The following NLN variants were observed in gnomAD, a reference collection of about 807,000 sequenced individuals.
The protein encoded by NLN is neurolysin, mitochondrial.
A neutral mutation model predicts 79.9 loss-of-function variants in NLN; 64 were observed. That is an observed-to-expected ratio of 0.80 (90% confidence interval 0.65 to 0.99). The LOEUF (loss-of-function observed/expected upper bound fraction) is 0.99. Ranked by LOEUF, NLN falls within the 50% of genes least tolerant of loss-of-function variation. The pLI, the probability that NLN is intolerant of heterozygous loss-of-function variation, is 0.00. For synonymous variants in NLN, 267 were observed against 296.6 expected, an observed-to-expected ratio of 0.90 and a Z score of 1.02; for missense variants, 835 against 858.7, an observed-to-expected ratio of 0.97 and a Z score of 0.34.
chr5:65,785,848 A>C lies in NLN; in HGVS notation c.896A>C (p.His299Pro). The change falls in exon 7 of 13, where the codon CAT becomes CCT. Residue 299 changes from histidine to proline, a missense_variant. His to Pro is a moderately conservative substitution (Grantham distance 77). Coordinates refer to ENST00000380985, the MANE Select transcript of NLN (RefSeq NM_020726.5). ...GCCAAACTACTCGGTTATAGCACAC[A>C]TGCTGACTTCGTCCTTGAAATGAAC... ...KVAKLLGYSTHADFVLEMNTA... is the reference protein window; with the variant it reads ...KVAKLLGYSTPADFVLEMNTA... The C allele has an allele frequency of 6.2e-7, 1 of 1,613,954 alleles. No homozygotes were observed. Among genetic ancestry groups the C allele is most frequent in the Admixed American group, 1.7e-5 (1 of 59,996 alleles).
intron 3 of NLN, 80 bp downstream of exon 3, chr5:65,763,188 TG>T: frequency 8.2e-7 from 1 of 1,216,156 alleles, no homozygotes; most frequent in Non-Finnish European, 1.2e-6. Flanking sequence ...TAAAACATAC[TG>T]ACTGGATTTT....
rs1760835936 is a variant in NLN at position 65,823,051 on chromosome 5, A to G, written c.*136A>G. ...GACATCCTTTTGTTTTCTAATTTTA[A>G]AAATTATAAAGATGTAAATGGAATT... On this transcript the variant is annotated 3_prime_UTR_variant, in exon 13 of 13. Transcript: ENST00000380985. 1.6e-6 allele frequency: 1 copy of G among 634,112 alleles called. No individual in the cohort carries two copies. Among genetic ancestry groups the G allele is most frequent in the African/African-American group, 1.9e-5 (1 of 53,906 alleles). The allele number at this position is 634,112 out of a possible 1,614,324, so 39.3% of individuals were successfully genotyped here. A position where few individuals can be genotyped will look rare whatever the true frequency, so the allele number is the denominator to read the frequency against.
chr5:65,810,857 A>C (rs1397787534), intron 11 of NLN, among the ~76,000 whole-genome samples: 1 of 152,106 alleles, frequency 6.6e-6, no homozygotes, highest in Non-Finnish European at 1.5e-5. Context: ...GTATACCTAC[A>C]GTCCTAGCTA....
intron 1 of NLN, among the ~76,000 whole-genome samples, chr5:65,753,201 A>G (rs1202371006): frequency 6.6e-6 from 1 of 152,236 alleles, no homozygotes; most frequent in African/African-American, 2.4e-5. Flanking sequence ...TCCTATAAAG[A>G]TGTGCAATTA....
intron 11 of NLN, among the ~76,000 whole-genome samples, chr5:65,810,932 T>C (rs1435397006): frequency 6.6e-6 from 1 of 152,066 alleles, no homozygotes; most frequent in African/African-American, 2.4e-5. Flanking sequence ...CGAGCCATGA[T>C]TGCACCACTG....
intron 1 of NLN, among the ~76,000 whole-genome samples, chr5:65,731,260 C>T (rs900740070): frequency 7.2e-5 from 11 of 152,160 alleles, no homozygotes; most frequent in African/African-American, 2.7e-4. Context: ...TTAGCTCTGC[C>T]ACATTCTACT....
chr5:65,788,769 C>G (rs184955888), intron 8 of NLN, among the ~76,000 whole-genome samples: 1 of 152,196 alleles, frequency 6.6e-6, no homozygotes, highest in East Asian at 1.9e-4. Flanking sequence ...TCTAGGACTT[C>G]AAGACCAGAC....
At chr5:65,738,936 ATTT>A (rs1228775439) in intron 1 of NLN, among the ~76,000 whole-genome samples, 1,558 of 93,620 alleles carry the variant, frequency 0.017, 28 homozygotes, top group African/African-American at 0.026. Context: ...GTGTATATAT[ATTT>A]TTTATATATG....
At chr5:65,724,804 C>CTTT (rs558656791) in intron 1 of NLN, among the ~76,000 whole-genome samples, 1 of 126,380 alleles carries the variant, frequency 7.9e-6, no homozygotes, top group Non-Finnish European at 1.7e-5. Context: ...TTTTTTTTTT[C>CTTT]TTTTTTTTTT....
chr5:65,774,055 G>T (rs1171860731), intron 3 of NLN, among the ~76,000 whole-genome samples: 1 of 140,348 alleles, frequency 7.1e-6, no homozygotes, highest in Non-Finnish European at 1.5e-5. Flanking sequence ...AGAATTCAAA[G>T]TTTTTTTTTT....
At chr5:65,774,873 T>C (rs1487405640) in intron 3 of NLN, among the ~76,000 whole-genome samples, 1 of 151,848 alleles carries the variant, frequency 6.6e-6, no homozygotes, top group Non-Finnish European at 1.5e-5. Flanking sequence ...TACACACACA[T>C]GCCACCACAC....
chr5:65,741,191 T>G (rs1758862370), intron 1 of NLN, among the ~76,000 whole-genome samples: 1 of 152,134 alleles, frequency 6.6e-6, no homozygotes, highest in African/African-American at 2.4e-5. Context: ...AGTTTTGAAG[T>G]GAGGTAGTAT....
intron 3 of NLN, among the ~76,000 whole-genome samples, chr5:65,767,992 G>T (rs1759488659): frequency 6.6e-6 from 1 of 152,138 alleles, no homozygotes; most frequent in African/African-American, 2.4e-5. Context: ...GGACTTCATT[G>T]TCCATATCAT....
intron 3 of NLN, among the ~76,000 whole-genome samples, chr5:65,769,530 C>T (rs1218567308): frequency 6.6e-6 from 1 of 152,138 alleles, no homozygotes; most frequent in Non-Finnish European, 1.5e-5. Flanking sequence ...ATACACCTAC[C>T]ATATACCCAC....
Position 65,781,314 on chromosome 5 carries a change from TATAA to T in NLN, c.717_720del (p.Tyr239Ter). On this transcript the variant is annotated frameshift_variant, in exon 6 of 13. Transcript: ENST00000380985. LOFTEE classifies it high-confidence loss of function. ...TTTAGAAAAGACAGATGATGACAAG[TATAA>T]AATTACCTTAAAATATCCACACTAT... 3.1e-6 allele frequency: 5 copies of T among 1,606,052 alleles called. No individual in the cohort carries two copies. The highest frequency in any genetic ancestry group is 4.3e-6 in the Non-Finnish European group (5 of 1,172,870).
At chr5:65,731,340 A>G (rs1758602365) in intron 1 of NLN, among the ~76,000 whole-genome samples, 1 of 152,248 alleles carries the variant, frequency 6.6e-6, no homozygotes, top group Non-Finnish European at 1.5e-5. Context: ...CTTGATGGGT[A>G]GAACAGCAAA....
chr5:65,800,663 C>CTTCTTATTTATTTATTTAT (rs10639871), intron 9 of NLN, among the ~76,000 whole-genome samples: 1 of 142,880 alleles, frequency 7.0e-6, no homozygotes. Flanking sequence ...AGAAAACTCT[C>CTTCTTATTTATTTATTTAT]TTATTTATTT....
chr5:65,728,885 C>G (rs926034290), intron 1 of NLN, among the ~76,000 whole-genome samples: 1 of 152,120 alleles, frequency 6.6e-6, no homozygotes, highest in Non-Finnish European at 1.5e-5. Flanking sequence ...ACTTGGTTGC[C>G]CAGGCTAGAG....
chr5:65,804,088 C>T lies in NLN; in HGVS notation c.1528-5427C>T, dbSNP rs149588048. 3.3e-5 allele frequency among the ~76,000 whole-genome samples: 5 copies of T among 152,296 alleles called. No homozygotes were observed. In the East Asian group the frequency reaches 9.6e-4, roughly 29 times the overall value. On this transcript the variant is annotated intron_variant, in intron 9 of 12. Transcript: ENST00000380985. ...ACATAAAGGAGGGTTTGATATAAGA[C>T]TTTTGTATTTTAGATCCCATCCAAG... is the stretch of plus-strand genomic sequence containing the variant.
Sources: gnomAD v4.1 joint callset for allele counts (sites outside exome capture counted in the v4.1 genomes callset) on GRCh38, gnomAD v4.1.1 for gene constraint, MANE v1.5 for transcripts, NCBI Gene and HGNC (gene_info 2026-07-23, HGNC 2026-07-21) for gene names.